The following NRG3 variants were observed in gnomAD, a reference collection of about 807,000 sequenced individuals.
NRG3 encodes pro-neuregulin-3, membrane-bound isoform.
A neutral mutation model predicts 66.9 loss-of-function variants in NRG3; 31 were observed. The observed-to-expected ratio is 0.46, with a 90% CI of 0.35 to 0.63. NRG3 has a LOEUF of 0.63. Ranked by LOEUF, NRG3 falls within the 20% of genes least tolerant of loss-of-function variation. The pLI is 0.00. For missense variants in NRG3, 910 were observed against 878.9 expected (o/e 1.04, Z -0.45); for synonymous variants, 393 against 359.4 (o/e 1.09, Z -1.06).
chr10:82,027,997 G>T (rs575297723), intron 1 of NRG3, among the ~76,000 whole-genome samples: 1 of 152,030 alleles, frequency 6.6e-6, no homozygotes, highest in African/African-American at 2.4e-5. Flanking sequence ...ACTCTTTTTG[G>T]CTGGGTTGTA....
intron 3 of NRG3, among the ~76,000 whole-genome samples, chr10:82,854,385 G>C (rs2063707813): frequency 6.6e-6 from 1 of 152,136 alleles, no homozygotes; most frequent in Non-Finnish European, 1.5e-5. Flanking sequence ...TTGTGTACAG[G>C]GTTCTATTTC....
chr10:82,480,330 C>T (rs976916411), intron 2 of NRG3, among the ~76,000 whole-genome samples: 2 of 152,118 alleles, frequency 1.3e-5, no homozygotes, highest in Non-Finnish European at 2.9e-5. Context: ...GAATTGCACA[C>T]ATTCAACAGG....
At chr10:82,184,787 T>C (rs1033692488) in intron 1 of NRG3, among the ~76,000 whole-genome samples, 14 of 152,110 alleles carry the variant, frequency 9.2e-5, no homozygotes, top group Admixed American at 5.9e-4. Flanking sequence ...TTTATTAAAA[T>C]CCTGCATTTT....
At chr10:82,628,822 T>C (rs1468410463) in intron 2 of NRG3, among the ~76,000 whole-genome samples, 1 of 152,122 alleles carries the variant, frequency 6.6e-6, no homozygotes, top group Non-Finnish European at 1.5e-5. Flanking sequence ...ACAGCTTCAA[T>C]ATGGAAGGAG....
intron 2 of NRG3, among the ~76,000 whole-genome samples, chr10:82,442,515 A>T (rs1457105587): frequency 6.6e-6 from 1 of 152,168 alleles, no homozygotes. Context: ...TGGGCAAAGT[A>T]CTAGCTTCAA....
chr10:82,466,295 A>G (rs1294234393), intron 2 of NRG3, among the ~76,000 whole-genome samples: 1 of 152,088 alleles, frequency 6.6e-6, no homozygotes, highest in Non-Finnish European at 1.5e-5. Flanking sequence ...AGATTCCACC[A>G]GGCTTTCTTC....
intron 1 of NRG3, among the ~76,000 whole-genome samples, chr10:82,174,274 C>T (rs1804191345): frequency 1.3e-5 from 2 of 152,042 alleles, no homozygotes; most frequent in Non-Finnish European, 2.9e-5. Flanking sequence ...TTGAAATTAA[C>T]CATTCTCCTT....
At chr10:82,226,077 A>G (rs2076151113) in intron 1 of NRG3, among the ~76,000 whole-genome samples, 1 of 152,158 alleles carries the variant, frequency 6.6e-6, no homozygotes, top group Non-Finnish European at 1.5e-5. Flanking sequence ...TACCCCAAGA[A>G]TCTATCCATA....
chr10:82,122,125 A>G (rs1469077308), intron 1 of NRG3, among the ~76,000 whole-genome samples: 1 of 152,186 alleles, frequency 6.6e-6, no homozygotes, highest in South Asian at 2.1e-4. Context: ...TGAGGATTAT[A>G]TGAATTCACA....
chr10:82,168,098 T>G (rs538460272), intron 1 of NRG3, among the ~76,000 whole-genome samples: 1 of 152,262 alleles, frequency 6.6e-6, no homozygotes, highest in South Asian at 2.1e-4. Flanking sequence ...ATAAACAAAA[T>G]GACTATTAAT....
chr10:82,642,163 C>A (rs1190948476), intron 2 of NRG3, among the ~76,000 whole-genome samples: 1 of 152,064 alleles, frequency 6.6e-6, no homozygotes, highest in Non-Finnish European at 1.5e-5. Context: ...CATGTTGCTG[C>A]AAAAGACATG....
chr10:82,283,941 T>G (rs560994621), intron 1 of NRG3, among the ~76,000 whole-genome samples: 1 of 152,234 alleles, frequency 6.6e-6, no homozygotes, highest in Non-Finnish European at 1.5e-5. Context: ...CATTTCAGCA[T>G]CTTCTGGTTT....
chr10:82,721,849 A>G (rs1206829128), intron 2 of NRG3, among the ~76,000 whole-genome samples: 1 of 152,162 alleles, frequency 6.6e-6, no homozygotes, highest in East Asian at 1.9e-4. Flanking sequence ...CAGTTTCCAC[A>G]TGACATTCAG....
rs140604043 is a variant in NRG3 at position 82,970,249 on chromosome 10, C to T, written c.1285-3539C>T. ...CAATTTGCTCTTCAAGTTAGCACCA[C>T]GGCTACTTTTCCAGGGCCTTTTCCT... On this transcript the variant is annotated intron_variant, in intron 6 of 8. Coordinates refer to ENST00000372141, the MANE Select transcript of NRG3 (RefSeq NM_001010848.4). 1.6e-3 allele frequency among the ~76,000 whole-genome samples: 244 copies of T among 152,302 alleles called. 1 individual carries two copies. Among genetic ancestry groups the T allele is most frequent in the Admixed American group, 2.7e-3 (42 of 15,284 alleles).
intron 3 of NRG3, among the ~76,000 whole-genome samples, chr10:82,757,690 A>G (rs567043016): frequency 5.9e-5 from 9 of 152,254 alleles, no homozygotes; most frequent in African/African-American, 1.9e-4. Context: ...GATGCTCTGT[A>G]TAATAATAAC....
chr10:82,123,040 G>T lies in NRG3; in HGVS notation c.824-235699G>T, dbSNP rs759823100. 5.3e-5 allele frequency among the ~76,000 whole-genome samples: 8 copies of T among 150,592 alleles called. No homozygotes were observed. The South Asian group carries it at 1.7e-3, about 31-fold the overall frequency. ...AACACATAAGAACACCAAGTGAAAAGCTGGTGAAATGGATTCACGTGGAAC... is the reference window on the plus strand; with the variant it reads ...AACACATAAGAACACCAAGTGAAAATCTGGTGAAATGGATTCACGTGGAAC... On this transcript the variant is annotated intron_variant, in intron 1 of 8. Coordinates refer to ENST00000372141, the MANE Select transcript of NRG3 (RefSeq NM_001010848.4).
intron 1 of NRG3, among the ~76,000 whole-genome samples, chr10:81,962,051 G>C (rs988136444): frequency 6.6e-6 from 1 of 152,220 alleles, no homozygotes; most frequent in Admixed American, 6.5e-5. Flanking sequence ...GGACCAAATA[G>C]TCAGTTTTAA....
chr10:82,245,983 T>TTTTG (rs1554859742), intron 1 of NRG3, among the ~76,000 whole-genome samples: 1 of 144,566 alleles, frequency 6.9e-6, no homozygotes, highest in Non-Finnish European at 1.5e-5. Context: ...TTCTGGTTTT[T>TTTTG]TTTTTTTTTT....
At chr10:82,809,166 A>T (rs2061399078) in intron 3 of NRG3, among the ~76,000 whole-genome samples, 1 of 152,096 alleles carries the variant, frequency 6.6e-6, no homozygotes, top group South Asian at 2.1e-4. Context: ...CATATTATCC[A>T]ATATATATTT....
Sources: gnomAD v4.1 joint callset for allele counts (sites outside exome capture counted in the v4.1 genomes callset) on GRCh38, gnomAD v4.1.1 for gene constraint, MANE v1.5 for transcripts, NCBI Gene and HGNC (gene_info 2026-07-23, HGNC 2026-07-21) for gene names.